Variants in USP51 observed in about 807,000 individuals in gnomAD.
USP51 encodes the protein ubiquitin carboxyl-terminal hydrolase 51.
In USP51, 5 loss-of-function variants were observed where a neutral mutation model predicts 17.6. The observed-to-expected ratio is 0.28, with a 90% CI of 0.15 to 0.60. USP51 has a LOEUF of 0.60. USP51 is among the 20% of genes least tolerant of loss of function. The pLI is 0.88. For synonymous variants in USP51, 248 were observed against 216.1 expected (o/e 1.15, Z -1.29); for missense variants, 459 against 559.5 (o/e 0.82, Z 1.81).
chrX:55,489,053 AGT>A, intron 2 of USP51, 65 bp from the exon 3 acceptor site: 1 of 1,030,560 alleles, frequency 9.7e-7, no homozygotes, highest in East Asian at 3.4e-5. Flanking sequence ...CGCGGTGCGC[AGT>A]TAGCGCCCCC....
At chrX:55,489,100 C>A in intron 2 of USP51, 69 bp downstream of exon 2, 1 of 689,550 alleles carries the variant, frequency 1.5e-6, no homozygotes, top group Non-Finnish European at 2.1e-6. Flanking sequence ...GCTCAGCCCG[C>A]GGCTTCTGTC....
At position 55,488,348 on chromosome X, in the gene USP51, C is replaced by T; in HGVS notation, c.592G>A (p.Val198Met). 8.3e-7 allele frequency: 1 copy of T among 1,211,903 alleles called. No homozygotes were observed. Among genetic ancestry groups the T allele is most frequent in the Non-Finnish European group, 1.1e-6 (1 of 895,365 alleles). The change falls in exon 3 of 3, where the codon GTG becomes ATG. Residue 198 changes from valine (V) to methionine (M), a missense_variant. Physicochemically the swap from Val to Met is conservative, Grantham distance 21. This residue lies in a region of USP51 where 232 missense variants were observed against 194.0 expected (regional missense o/e 1.20). Coordinates refer to ENST00000500968, the MANE Select transcript of USP51 (RefSeq NM_201286.4). ...FGQGPTGCSHVESFKVGKNWQ... is the reference protein window; with the variant it reads ...FGQGPTGCSHMESFKVGKNWQ... ...TTCTTACCTACTTTAAAGCTCTCCA[C>T]ATGAGAGCAGCCTGTGGGACCCTGA...
rs1056959596 is a variant in USP51 at position 55,486,109 on chromosome X, G to A, written c.*695C>T. 3 of 107,657 alleles carry A rather than the reference G, an allele frequency of 2.8e-5. No homozygotes were observed. The highest frequency in any genetic ancestry group is 6.7e-5 in the African/African-American group (2 of 29,886). 8.9% of individuals were successfully genotyped at this position (107,657 alleles called of 1,213,427 possible). ...TTAACAGTATTTTCTTCCTTTTTTT[G>A]GTAAACTTTCATTTTTAACCTTGTT... is the stretch of plus-strand genomic sequence containing the variant. On this transcript the variant is annotated 3_prime_UTR_variant, in exon 3 of 3. Transcript: ENST00000500968.
rs1569196567 is a variant in USP51, at chrX:55,487,167, C to G, written c.1773G>C (p.Val591=). 9 of 1,211,872 alleles carry G rather than the reference C, an allele frequency of 7.4e-6. No individual in the cohort carries two copies. Among genetic ancestry groups the G allele is most frequent in the Non-Finnish European group, 8.9e-6 (8 of 895,571 alleles). ...KQLTMKKLPI[V]ACFHLKRFEH... ...CAAACCGCTTGAGATGAAAACAAGC[C>G]ACAATGGGTAATTTTTTCATTGTGA... The change falls in exon 3 of 3, where the codon GTG becomes GTC. Residue 591 remains valine, a synonymous_variant. Coordinates refer to ENST00000500968, the MANE Select transcript of USP51 (RefSeq NM_201286.4).
rs2031299338 is a variant in USP51 at position 55,485,399 on chromosome X, T to G, written c.*1405A>C. 1 of 111,140 alleles carries G rather than the reference T, an allele frequency of 9.0e-6. No homozygotes were observed. The highest frequency in any genetic ancestry group is 1.9e-5 in the Non-Finnish European group (1 of 53,016). The allele number at this position is 111,140 out of a possible 1,213,427, so 9.2% of individuals were successfully genotyped here. A position where few individuals can be genotyped will look rare whatever the true frequency, so the allele number is the denominator to read the frequency against. On this transcript the variant is annotated 3_prime_UTR_variant, in exon 3 of 3. Coordinates refer to ENST00000500968, the MANE Select transcript of USP51 (RefSeq NM_201286.4). Reference sequence around the variant, plus strand: ...GGAATCTCAAGAGGGGAAGGTGGGTTAGTTAGTGTTTAGGCCTTGCAGCCA... The same window carrying G: ...GGAATCTCAAGAGGGGAAGGTGGGTGAGTTAGTGTTTAGGCCTTGCAGCCA...
In USP51 at chrX:55,489,001, G is replaced by A. The variant is rs2031381906; in HGVS notation, c.-49-13C>T. 1 of 1,150,799 alleles carries A rather than the reference G, an allele frequency of 8.7e-7. No individual in the cohort carries two copies. The highest frequency in any genetic ancestry group is 1.2e-6 in the Non-Finnish European group (1 of 859,844). The allele number at this position is 1,150,799 out of a possible 1,213,427, so 94.8% of individuals were successfully genotyped here. A position where few individuals can be genotyped will look rare whatever the true frequency, so the allele number is the denominator to read the frequency against. On this transcript the variant is annotated splice_polypyrimidine_tract_variant and intron_variant, in intron 2 of 2. Coordinates refer to ENST00000500968, the MANE Select transcript of USP51 (RefSeq NM_201286.4). Reference sequence around the variant, plus strand: ...AAAACAGCTGCGACTGTAGATGAAAGGAGACAGAGACTTCTGTGAATGATC... The same window carrying A: ...AAAACAGCTGCGACTGTAGATGAAAAGAGACAGAGACTTCTGTGAATGATC...
Position 55,487,509 on chromosome X carries a change from G to A in USP51, c.1431C>T (p.Pro477=), listed in dbSNP as rs141041720. 39 of 1,211,895 alleles carry A rather than the reference G, an allele frequency of 3.2e-5. No homozygotes were observed. The highest frequency in any genetic ancestry group is 4.4e-5 in the Non-Finnish European group (39 of 895,600). The change falls in exon 3 of 3, where the codon CCC becomes CCT. Residue 477 remains proline (P), a synonymous_variant. Transcript: ENST00000500968. ...GGTCTATGATGCAGTTACAGCAGTT[G>A]GGGTTATTGGCCTCCTGCCCACCAC... ...DDSGGQEANN[P]NCCNCIIDQI... is the part of the protein sequence containing the mutation.
In USP51 at chrX:55,489,224, C is replaced by T; in HGVS notation, c.-105G>A. On this transcript the variant is annotated 5_prime_UTR_variant, in exon 2 of 3. Coordinates refer to ENST00000500968, the MANE Select transcript of USP51 (RefSeq NM_201286.4). The stretch of plus-strand genomic sequence containing the variant: ...GGACTGGGAACAGAAGGCTAGCGAG[C>T]GGTGGGGGTGGGGAACGGCCTGAGC... 1 of 328,061 alleles carries T rather than the reference C, an allele frequency of 3.0e-6. No individual in the cohort carries two copies. The highest frequency in any genetic ancestry group is 5.3e-6 in the Non-Finnish European group (1 of 189,405). 27.0% of individuals were successfully genotyped at this position (328,061 alleles called of 1,213,427 possible). A position where few individuals can be genotyped will look rare whatever the true frequency, so the allele number is the denominator to read the frequency against.
At chrX:55,489,511 C>T (rs777519816) in intron 1 of USP51, among the ~76,000 whole-genome samples, 146 bp from the exon 2 acceptor site, 4 of 112,578 alleles carry the variant, frequency 3.6e-5, no homozygotes, top group African/African-American at 1.3e-4. Flanking sequence ...TAAGCCGTTG[C>T]CCCTCAGCGC....
chrX:55,489,392 C>A (rs1265300703), intron 1 of USP51, among the ~76,000 whole-genome samples, 27 bp from the exon 2 acceptor site: 1 of 113,144 alleles, frequency 8.8e-6, no homozygotes, highest in Non-Finnish European at 1.9e-5. Flanking sequence ...TCAACATTTT[C>A]TCTCCAAAAT....
At position 55,488,826 on chromosome X, in the gene USP51, C is replaced by T; in HGVS notation, c.114G>A (p.Glu38=). 1.6e-5 allele frequency: 19 copies of T among 1,211,722 alleles called. No individual in the cohort carries two copies. The highest frequency in any genetic ancestry group is 2.0e-5 in the Non-Finnish European group (18 of 895,514). ...EEAVEKAGKM[E]EAAAGATKAS... ...CCTTCGTAGCCCCCGCCGCCGCCTC[C>T]TCCATTTTCCCCGCCTTCTCAACCG... Residue 38 remains glutamate, a synonymous_variant, in exon 3 of 3, where the codon GAG becomes GAA. Coordinates refer to ENST00000500968, the MANE Select transcript of USP51 (RefSeq NM_201286.4).
In USP51 at chrX:55,485,860, T is replaced by G. The variant is rs748146495; in HGVS notation, c.*944A>C. 1.8e-5 allele frequency: 2 copies of G among 111,503 alleles called. No individual in the cohort carries two copies. Among genetic ancestry groups the G allele is most frequent in the African/African-American group, 6.5e-5 (2 of 30,927 alleles). 9.2% of individuals were successfully genotyped at this position (111,503 alleles called of 1,213,427 possible). A position where few individuals can be genotyped will look rare whatever the true frequency, so the allele number is the denominator to read the frequency against. ...TGTCTTTAAACACATTTTGTCTTTT[T>G]GTCTTGAATTATTCTAAACTTGCCT... On this transcript the variant is annotated 3_prime_UTR_variant, in exon 3 of 3. Coordinates refer to ENST00000500968, the MANE Select transcript of USP51 (RefSeq NM_201286.4).
chrX:55,488,749 C>G lies in USP51; in HGVS notation c.191G>C (p.Arg64Pro). Residue 64 changes from arginine to proline, a missense_variant, in exon 3 of 3, where the codon CGT becomes CCT. Arg to Pro is a moderately radical substitution (Grantham distance 103). This residue lies in a region of USP51 where 232 missense variants were observed against 194.0 expected (regional missense o/e 1.20). Coordinates refer to ENST00000500968, the MANE Select transcript of USP51 (RefSeq NM_201286.4). ...CAAGTTCTCCTCCGGCGCGGGCTCA[C>G]GCTCTTGTAATGGCTCCAGCTTCAT... Reference protein sequence around the residue: ...EEMKLEPLQEREPAPEENLTW... With the variant: ...EEMKLEPLQEPEPAPEENLTW... 1.7e-6 allele frequency: 2 copies of G among 1,207,818 alleles called. No individual in the cohort carries two copies. Among genetic ancestry groups the G allele is most frequent in the Non-Finnish European group, 2.2e-6 (2 of 895,443 alleles).
In USP51 at chrX:55,488,641, G is replaced by T. The variant is rs1179831927; in HGVS notation, c.299C>A (p.Pro100Gln). Residue 100 changes from proline to glutamine, a missense_variant, in exon 3 of 3, where the codon CCG becomes CAG. Transcript: ENST00000500968. ...RCHSSSSPVC[P>Q]RRKPRPRPQP... is the part of the protein sequence containing the mutation. ...GGGCCGAGGGCGGGGCTTGCGGCGC[G>T]GGCAAACGGGCGAGGAGCTGCTGTG... 1 of 1,176,320 alleles carries T rather than the reference G, an allele frequency of 8.5e-7. No individual in the cohort carries two copies. The highest frequency in any genetic ancestry group is 1.1e-6 in the Non-Finnish European group (1 of 882,970).
rs767272603 is a variant in USP51 at position 55,488,015 on chromosome X, A to C, written c.925T>G (p.Leu309Val). Reference sequence around the variant, plus strand: ...GTTGAGGTGGAAGTTAATAATCTCAAAATTTTTTCTTTTGTTTCTTTGGCA... The same window carrying C: ...GTTGAGGTGGAAGTTAATAATCTCACAATTTTTTCTTTTGTTTCTTTGGCA... The part of the protein sequence containing the change: ...QIAKETKEKI[L>V]RLLTSTSTDV... The change falls in exon 3 of 3, where the codon TTG becomes GTG. Residue 309 changes from leucine to valine, a missense_variant. Leu to Val is a conservative substitution (Grantham distance 32, BLOSUM62 1). Transcript: ENST00000500968. 8.3e-7 allele frequency: 1 copy of C among 1,208,294 alleles called. No homozygotes were observed. Among genetic ancestry groups the C allele is most frequent in the Non-Finnish European group, 1.1e-6 (1 of 894,481 alleles).
At position 55,489,326 on chromosome X, in the gene USP51, C is replaced by G. The variant is rs905668821; in HGVS notation, c.-207G>C. Reference sequence around the variant, plus strand: ...TGCTTTTTTGCGCCCTGCGCAGCCTCGCTTTGGTGCAGCTTCCTCTGACGT... The same window carrying G: ...TGCTTTTTTGCGCCCTGCGCAGCCTGGCTTTGGTGCAGCTTCCTCTGACGT... On this transcript the variant is annotated 5_prime_UTR_variant, in exon 2 of 3. Coordinates refer to ENST00000500968, the MANE Select transcript of USP51 (RefSeq NM_201286.4). 3 of 157,096 alleles carry G rather than the reference C, an allele frequency of 1.9e-5. No homozygotes were observed. The highest frequency in any genetic ancestry group is 3.7e-5 in the Non-Finnish European group (3 of 82,056). 12.9% of individuals were successfully genotyped at this position (157,096 alleles called of 1,213,427 possible).
Position 55,488,349 on chromosome X carries a change from A to G in USP51, c.591T>C (p.His197=). ...EFGQGPTGCS[H]VESFKVGKNW... ...TCTTACCTACTTTAAAGCTCTCCAC[A>G]TGAGAGCAGCCTGTGGGACCCTGAC... Residue 197 remains histidine (H), a synonymous_variant, in exon 3 of 3, where the codon CAT becomes CAC. Coordinates refer to ENST00000500968, the MANE Select transcript of USP51 (RefSeq NM_201286.4). The G allele has an allele frequency of 8.3e-7, 1 of 1,211,681 alleles. No individual in the cohort carries two copies. Among genetic ancestry groups the G allele is most frequent in the Non-Finnish European group, 1.1e-6 (1 of 895,326 alleles).
At position 55,488,855 on chromosome X, in the gene USP51, C is replaced by T. The variant is rs369724426; in HGVS notation, c.85G>A (p.Glu29Lys). ...SGGGGGASPE[E>K]AVEKAGKMEE... ...ATTTTCCCCGCCTTCTCAACCGCCT[C>T]CTCAGGAGAGGCTCCTCCCCCACCT... The change falls in exon 3 of 3, where the codon GAG (glutamate) becomes AAG (lysine). Residue 29 changes from glutamate (E) to lysine (K), a missense_variant. Glu to Lys is a moderately conservative substitution (Grantham distance 56). Coordinates refer to ENST00000500968, the MANE Select transcript of USP51 (RefSeq NM_201286.4). 9.1e-6 allele frequency: 11 copies of T among 1,211,238 alleles called. No individual in the cohort carries two copies. The highest frequency in any genetic ancestry group is 3.0e-5 in the East Asian group (1 of 33,823).
chrX:55,489,752 AGTTT>A lies in USP51; in HGVS notation c.-247+20_-247+23del, dbSNP rs1268349431. Among the ~76,000 whole-genome samples, 1 of 111,182 alleles carries A rather than the reference AGTTT, an allele frequency of 9.0e-6. No homozygotes were observed. The highest frequency in any genetic ancestry group is 3.3e-5 in the African/African-American group (1 of 30,486). ...GCCCCCGCAACACCCCCAGCCCGGC[AGTTT>A]GTTTAAAGGTCTGGGTTACCTTGGG... On this transcript the variant is annotated intron_variant, in intron 1 of 2. Coordinates refer to ENST00000500968, the MANE Select transcript of USP51 (RefSeq NM_201286.4).
Sources: allele counts gnomAD v4.1 joint callset (sites outside exome capture counted in the v4.1 genomes callset), GRCh38; gene constraint gnomAD v4.1.1; regional missense constraint gnomAD v4.1.1; transcripts MANE v1.5; gene names NCBI Gene and HGNC (gene_info 2026-07-23, HGNC 2026-07-21).